CFAP46: variants seen among roughly 807,000 people sequenced by gnomAD.
CFAP46 encodes the protein cilia- and flagella-associated protein 46.
CFAP46 carries 245 observed loss-of-function variants against 325.7 expected under a neutral mutation model. The observed-to-expected ratio is 0.75, with a 90% CI of 0.68 to 0.84. The LOEUF (loss-of-function observed/expected upper bound fraction) is 0.84. Ranked by LOEUF, CFAP46 falls within the 40% of genes least tolerant of loss-of-function variation. The pLI is 0.00. For synonymous variants in CFAP46, 1,523 were observed against 1,495.9 expected, an observed-to-expected ratio of 1.02 and a Z score of -0.42; for missense variants, 3,346 against 3,543.0, an observed-to-expected ratio of 0.94 and a Z score of 1.41.
chr10:132,859,307 C>A, intron 37 of CFAP46, 60 bp from the exon 38 acceptor site: 6 of 1,427,938 alleles, frequency 4.2e-6, no homozygotes, highest in Non-Finnish European at 5.6e-6. Flanking sequence ...TCAGGGCTTG[C>A]GGCTGGGCTG....
At chr10:132,864,370 C>T (rs1848774719) in intron 35 of CFAP46, among the ~76,000 whole-genome samples, 3 of 116,646 alleles carry the variant, frequency 2.6e-5, no homozygotes, top group South Asian at 3.5e-4. Context: ...ACACACCTGT[C>T]CCCAGTGCCT....
intron 22 of CFAP46, among the ~76,000 whole-genome samples, chr10:132,906,146 G>A (rs1849452914): frequency 6.6e-6 from 1 of 152,224 alleles, no homozygotes; most frequent in Admixed American, 6.5e-5. Context: ...CTCTGCTCCG[G>A]CCCTTTGCTG....
chr10:132,899,775 G>A, intron 22 of CFAP46, 109 bp from the exon 23 acceptor site: 2 of 1,281,194 alleles, frequency 1.6e-6, no homozygotes, highest in African/African-American at 1.5e-5. Context: ...ATTCTAAGAT[G>A]GGGCACCTCC....
chr10:132,920,573 A>G (rs1319723193), intron 13 of CFAP46, among the ~76,000 whole-genome samples: 1 of 152,204 alleles, frequency 6.6e-6, no homozygotes, highest in Non-Finnish European at 1.5e-5. Context: ...GTTTATCCGC[A>G]TGACGCCAGA....
intron 46 of CFAP46, among the ~76,000 whole-genome samples, chr10:132,835,700 C>T (rs964237130): frequency 1.3e-5 from 2 of 152,104 alleles, no homozygotes; most frequent in Non-Finnish European, 2.9e-5. Context: ...GCTCTACAGA[C>T]CCCTCCATCC....
intron 35 of CFAP46, among the ~76,000 whole-genome samples, 179 bp downstream of exon 35, chr10:132,865,846 C>T (rs57197017): frequency 0.097 from 14,808 of 152,278 alleles, 1,941 homozygotes; most frequent in African/African-American, 0.3. Flanking sequence ...GAGCAAAAGA[C>T]GGACAGACAG....
At chr10:132,923,170 G>A (rs985804851) in intron 11 of CFAP46, among the ~76,000 whole-genome samples, 1 of 151,980 alleles carries the variant, frequency 6.6e-6, no homozygotes, top group African/African-American at 2.4e-5. Context: ...AGCCATGTAG[G>A]GGTACCCCGG....
intron 50 of CFAP46, among the ~76,000 whole-genome samples, chr10:132,829,886 A>G (rs527263593): frequency 6.6e-6 from 1 of 152,374 alleles, no homozygotes; most frequent in East Asian, 1.9e-4. Flanking sequence ...CCACGTGGAC[A>G]TAATATAAAT....
At chr10:132,824,732 GT>G (rs1848001186) in intron 50 of CFAP46, among the ~76,000 whole-genome samples, 2 of 74,902 alleles carry the variant, frequency 2.7e-5, no homozygotes, top group Non-Finnish European at 4.7e-5. Context: ...GATGTGTGCT[GT>G]GTGTGTGCTG....
rs558880276 is a variant in CFAP46 at position 132,938,296 on chromosome 10, C to T, written c.536+293G>A. On this transcript the variant is annotated intron_variant, in intron 5 of 57. Coordinates refer to ENST00000368586, the MANE Select transcript of CFAP46 (RefSeq NM_001200049.3). Reference sequence around the variant, plus strand: ...ATTTTAAGAACTAAGATTGTAAAACCGTGAGCCAGGCTGCGTGGGGCAGGA... The same window carrying T: ...ATTTTAAGAACTAAGATTGTAAAACTGTGAGCCAGGCTGCGTGGGGCAGGA... 2.5e-4 allele frequency among the ~76,000 whole-genome samples: 38 copies of T among 152,360 alleles called. No homozygotes were observed. The East Asian group carries it at 5.2e-3, about 21-fold the overall frequency.
chr10:132,878,054 C>G lies in CFAP46; in HGVS notation c.4039G>C (p.Glu1347Gln). ...SLMTAGKSVL[E>Q]NRPLAATSSH... ...CTGGTTGCTGCCAGGGGTCTGTTTT[C>G]CAGAACTGATTTTCCTGCTGTCATC... Residue 1347 changes from glutamate (E) to glutamine (Q), a missense_variant, in exon 30 of 58, where the codon GAA becomes CAA. Glu to Gln is a conservative substitution (Grantham distance 29, BLOSUM62 2). Coordinates refer to ENST00000368586, the MANE Select transcript of CFAP46 (RefSeq NM_001200049.3). 1.9e-6 allele frequency: 3 copies of G among 1,547,208 alleles called. No homozygotes were observed. Among genetic ancestry groups the G allele is most frequent in the Non-Finnish European group, 2.6e-6 (3 of 1,145,428 alleles).
chr10:132,873,713 C>T (rs891768278), intron 31 of CFAP46, among the ~76,000 whole-genome samples: 8 of 152,074 alleles, frequency 5.3e-5, no homozygotes, highest in African/African-American at 1.9e-4. Flanking sequence ...GCAGAGGGGC[C>T]GTGCGGGTGG....
rs1244927172 is a variant in CFAP46, at chr10:132,877,402, C to G, written c.4213-441G>C. On this transcript the variant is annotated intron_variant, in intron 30 of 57. Coordinates refer to ENST00000368586, the MANE Select transcript of CFAP46 (RefSeq NM_001200049.3). The surrounding 1 kb of genome is among the most constrained non-coding windows in gnomAD (Gnocchi z 5.7). ...AGTGGTTTCTCAGACCTGCCCAGCA[C>G]TTTGAGAAGTGGATACTTGCAGAGA... 6.6e-6 allele frequency among the ~76,000 whole-genome samples: 1 copy of G among 152,148 alleles called. No individual in the cohort carries two copies. The highest frequency in any genetic ancestry group is 1.5e-5 in the Non-Finnish European group (1 of 68,014).
At chr10:132,878,694 G>T (rs912235024) in intron 29 of CFAP46, among the ~76,000 whole-genome samples, 1 of 152,136 alleles carries the variant, frequency 6.6e-6, no homozygotes, top group South Asian at 2.1e-4. Context: ...CTGGTGGGGG[G>T]TTAGCGTGGA....
intron 39 of CFAP46, among the ~76,000 whole-genome samples, chr10:132,853,001 AAC>A (rs754423502): frequency 2.6e-5 from 4 of 152,230 alleles, no homozygotes; most frequent in African/African-American, 4.8e-5. Flanking sequence ...TGTGAATAAA[AAC>A]AGTTTCATTC....
rs752658923 is a variant in CFAP46 at position 132,808,561 on chromosome 10, A to T, written c.8008T>A (p.Cys2670Ser). 1.2e-6 allele frequency: 2 copies of T among 1,612,946 alleles called. No homozygotes were observed. The highest frequency in any genetic ancestry group is 1.7e-6 in the Non-Finnish European group (2 of 1,179,922). ...CCCCGACGCAGACCCCATGGCGCAC[A>T]CAGGCAGGCAGAGCTCGAGGTCCAG... ...AAWTSSSACL[C>S]APWGLRRGWS... is the part of the protein sequence containing the mutation. Residue 2670 changes from cysteine to serine, a missense_variant, in exon 58 of 58, where the codon TGT becomes AGT. Transcript: ENST00000368586. The surrounding 1 kb of genome is among the most constrained non-coding windows in gnomAD (Gnocchi z 6.8).
intron 7 of CFAP46, among the ~76,000 whole-genome samples, chr10:132,935,159 C>T (rs930053706): frequency 4.6e-5 from 7 of 152,120 alleles, no homozygotes; most frequent in African/African-American, 1.7e-4. Context: ...GTGGGGCACT[C>T]TCTCTGCTCA....
rs149787035 is a variant in CFAP46, at chr10:132,868,166, G to A, written c.4611-659C>T. ...TGCCCAGGCCTCCCCGGCCACGCGC[G>A]TTCCAAGTCGAGGTGCCCCTTGCCG... On this transcript the variant is annotated intron_variant, in intron 33 of 57. Coordinates refer to ENST00000368586, the MANE Select transcript of CFAP46 (RefSeq NM_001200049.3). Among the ~76,000 whole-genome samples, 1,410 of 152,312 alleles carry A rather than the reference G, an allele frequency of 9.3e-3. 12 individuals carry two copies. The highest frequency in any genetic ancestry group is 0.043 in the South Asian group (210 of 4,828).
chr10:132,828,400 G>A lies in CFAP46; in HGVS notation c.7117+4958C>T, dbSNP rs1379032741. ...GTGAGTTTCACCCATTCTAACAGGT[G>A]TGCAGGGGTATTCCATTGTGGTTTC... On this transcript the variant is annotated intron_variant, in intron 50 of 57. Coordinates refer to ENST00000368586, the MANE Select transcript of CFAP46 (RefSeq NM_001200049.3). This position sits in a 1 kb window ranked among gnomAD's most constrained non-coding sequence, Gnocchi z 4.9. 1.3e-5 allele frequency among the ~76,000 whole-genome samples: 2 copies of A among 151,942 alleles called. No homozygotes were observed. The highest frequency in any genetic ancestry group is 2.9e-5 in the Non-Finnish European group (2 of 68,026).
Sources: gnomAD v4.1 joint callset for allele counts (sites outside exome capture counted in the v4.1 genomes callset) on GRCh38, gnomAD v4.1.1 for gene constraint, Gnocchi (gnomAD v3.1) non-coding constraint, MANE v1.5 for transcripts, NCBI Gene and HGNC (gene_info 2026-07-23, HGNC 2026-07-21) for gene names.